The following MEF2C variants were observed in gnomAD, a reference collection of about 807,000 sequenced individuals.
MEF2C encodes the protein myocyte enhancer factor 2C, also known as myocyte-specific enhancer factor 2C.
Under a neutral mutation model 50.5 loss-of-function variants are expected in MEF2C, and 6 were observed. That is an observed-to-expected ratio of 0.12 (90% confidence interval 0.07 to 0.23). MEF2C has a LOEUF of 0.23. Ranked by LOEUF, MEF2C falls within the 10% of genes least tolerant of loss-of-function variation. MEF2C has a pLI of 1.00. For missense variants in MEF2C, 276 were observed against 605.0 expected, an observed-to-expected ratio of 0.46 and a Z score of 5.70; for synonymous variants, 183 against 228.0, an observed-to-expected ratio of 0.80 and a Z score of 1.78.
intron 2 of MEF2C, among the ~76,000 whole-genome samples, chr5:88,818,412 AGG>A (rs1156755539): frequency 1.3e-5 from 2 of 151,948 alleles, no homozygotes; most frequent in Admixed American, 1.3e-4. Flanking sequence ...CATGTGAAAG[AGG>A]GTAAGACTGC....
At chr5:88,851,641 C>T (rs747619865) in intron 1 of MEF2C, among the ~76,000 whole-genome samples, 22 of 151,948 alleles carry the variant, frequency 1.4e-4, no homozygotes, top group Non-Finnish European at 3.1e-4. Context: ...AGGTTCTATA[C>T]GCTACTATTC....
intron 2 of MEF2C, among the ~76,000 whole-genome samples, chr5:88,808,269 A>C (rs1801376730): frequency 6.6e-6 from 1 of 152,218 alleles, no homozygotes; most frequent in African/African-American, 2.4e-5. Flanking sequence ...TACAGAAGGC[A>C]CTGACCTAGA....
At chr5:88,874,066 T>C (rs1194056376) in intron 1 of MEF2C, among the ~76,000 whole-genome samples, 1 of 151,950 alleles carries the variant, frequency 6.6e-6, no homozygotes, top group African/African-American at 2.4e-5. Flanking sequence ...TCCTCAAATA[T>C]GGATGAAAAT....
intron 4 of MEF2C, among the ~76,000 whole-genome samples, chr5:88,753,029 T>C (rs1290599746): frequency 1.3e-5 from 2 of 152,126 alleles, no homozygotes; most frequent in African/African-American, 4.8e-5. Context: ...CCCTTGGGGG[T>C]TCTCAATAAG....
Position 88,749,121 on chromosome 5 carries a change from T to C in MEF2C, c.590-4A>G. ...AGGTCTCCACCCATCAGACCACCTATGGATTAAAGAGGAAGATCAAAACGA... is the reference window on the plus strand; with the variant it reads ...AGGTCTCCACCCATCAGACCACCTACGGATTAAAGAGGAAGATCAAAACGA... On this transcript the variant is annotated splice_region_variant and splice_polypyrimidine_tract_variant and intron_variant, in intron 5 of 10. Coordinates refer to ENST00000504921, the MANE Select transcript of MEF2C (RefSeq NM_002397.5). 1 of 1,565,782 alleles carries C rather than the reference T, an allele frequency of 6.4e-7. No individual in the cohort carries two copies. The highest frequency in any genetic ancestry group is 8.7e-7 in the Non-Finnish European group (1 of 1,155,740).
intron 1 of MEF2C, chr5:88,838,386 T>C (rs923055494): frequency 9.2e-6 from 2 of 216,658 alleles, no homozygotes; most frequent in Non-Finnish European, 1.6e-5. Flanking sequence ...GGTTTTTTTT[T>C]TTCTACTTTC....
intron 1 of MEF2C, among the ~76,000 whole-genome samples, chr5:88,858,486 C>T (rs1824298597): frequency 2.0e-5 from 3 of 152,112 alleles, no homozygotes; most frequent in African/African-American, 7.2e-5. Context: ...AACTTAAAGC[C>T]CACCTGGGAT....
intron 1 of MEF2C, among the ~76,000 whole-genome samples, chr5:88,870,532 T>C (rs1829183738): frequency 6.6e-6 from 1 of 151,818 alleles, no homozygotes; most frequent in Non-Finnish European, 1.5e-5. Flanking sequence ...GCACAGCAAA[T>C]AAAAAATGGA....
In MEF2C at chr5:88,779,864, A is replaced by G. The variant is rs138903658; in HGVS notation, c.259-18536T>C. Among the ~76,000 whole-genome samples, 4 of 151,884 alleles carry G rather than the reference A, an allele frequency of 2.6e-5. No homozygotes were observed. In the East Asian group the frequency reaches 7.8e-4, roughly 30 times the overall value. On this transcript the variant is annotated intron_variant, in intron 3 of 10. Transcript: ENST00000504921. ...TAATATAAGAATTTGCAGGCCAGGC[A>G]CAGTGTCTCATGTCTCACGCCTATA...
At chr5:88,875,594 A>G (rs1830801995) in intron 1 of MEF2C, among the ~76,000 whole-genome samples, 1 of 151,926 alleles carries the variant, frequency 6.6e-6, no homozygotes, top group Non-Finnish European at 1.5e-5. Context: ...CTATTGTTTT[A>G]TGTATTCTAA....
At chr5:88,734,853 C>T (rs13158247) in intron 6 of MEF2C, 547,674 of 972,348 alleles carry the variant, frequency 0.56, 157,183 homozygotes, top group East Asian at 0.59. Context: ...TGTTTACATA[C>T]TGAAATGTAA....
intron 6 of MEF2C, chr5:88,741,999 C>T: frequency 1.0e-6 from 1 of 985,222 alleles, no homozygotes; most frequent in Non-Finnish European, 1.2e-6. Flanking sequence ...ACTAAATATT[C>T]TTTGGATTGA....
intron 1 of MEF2C, among the ~76,000 whole-genome samples, chr5:88,892,735 T>A (rs1451010608): frequency 1.3e-5 from 2 of 152,184 alleles, no homozygotes; most frequent in African/African-American, 4.8e-5. Context: ...CACTGAAAAC[T>A]CAGAGTCTAT....
chr5:88,722,527 G>T lies in MEF2C; in HGVS notation c.*77C>A. 4.6e-6 allele frequency: 6 copies of T among 1,297,226 alleles called. No homozygotes were observed. The highest frequency in any genetic ancestry group is 4.4e-5 in the South Asian group (3 of 68,812). 80.4% of individuals were successfully genotyped at this position (1,297,226 alleles called of 1,614,324 possible). A position where few individuals can be genotyped will look rare whatever the true frequency, so the allele number is the denominator to read the frequency against. On this transcript the variant is annotated 3_prime_UTR_variant, in exon 11 of 11. Transcript: ENST00000504921. ...ACACACGGCACATATAATGCATATC[G>T]ACCCCCCTTCCCCATTAAGGTATAG...
intron 1 of MEF2C, among the ~76,000 whole-genome samples, chr5:88,852,458 T>C (rs1821727678): frequency 1.3e-5 from 2 of 152,250 alleles, no homozygotes; most frequent in Non-Finnish European, 1.5e-5. Context: ...CTGGTTGTAT[T>C]AACCATCACT....
intron 1 of MEF2C, chr5:88,877,865 A>T (rs953418145): frequency 3.3e-5 from 5 of 152,014 alleles, no homozygotes; most frequent in Admixed American, 6.6e-5. Flanking sequence ...AAAAAAACTG[A>T]CAATTTTCTT....
chr5:88,885,405 A>G (rs1295284869), upstream of MEF2C, among the ~76,000 whole-genome samples: 1 of 152,208 alleles, frequency 6.6e-6, no homozygotes, highest in Non-Finnish European at 1.5e-5. Flanking sequence ...AACTAAGACC[A>G]TTCCCTCCCT....
intron 3 of MEF2C, among the ~76,000 whole-genome samples, chr5:88,778,267 T>C (rs977488855): frequency 6.6e-6 from 1 of 152,118 alleles, no homozygotes; most frequent in Non-Finnish European, 1.5e-5. Flanking sequence ...CCCAATAATA[T>C]ACAGACTGTA....
At chr5:88,741,556 A>G in intron 6 of MEF2C, 1 of 985,364 alleles carries the variant, frequency 1.0e-6, no homozygotes, top group Non-Finnish European at 1.2e-6. Context: ...TTAATATTAG[A>G]GCCAACTAAA....
Sources: allele counts gnomAD v4.1 joint callset (sites outside exome capture counted in the v4.1 genomes callset), GRCh38; gene constraint gnomAD v4.1.1; transcripts MANE v1.5; gene names NCBI Gene and HGNC (gene_info 2026-07-23, HGNC 2026-07-21).